Variants in SMURF1 observed in about 807,000 individuals in gnomAD.
SMURF1 encodes the protein SMAD specific E3 ubiquitin protein ligase 1, also known as E3 ubiquitin-protein ligase SMURF1.
Under a neutral mutation model 98.0 loss-of-function variants are expected in SMURF1, and 44 were observed. The observed-to-expected ratio is 0.45, with a 90% confidence interval of 0.35 to 0.58. The LOEUF (loss-of-function observed/expected upper bound fraction) is 0.58. SMURF1 is among the 20% of genes least tolerant of loss of function. The pLI, the probability that SMURF1 is intolerant of heterozygous loss-of-function variation, is 0.00. For synonymous variants in SMURF1, 396 were observed against 374.9 expected (o/e 1.06, Z -0.65); for missense variants, 687 against 938.4 (o/e 0.73, Z 3.50).
intron 1 of SMURF1, among the ~76,000 whole-genome samples, chr7:99,073,179 C>A (rs1796369350): frequency 6.6e-6 from 1 of 151,658 alleles, no homozygotes; most frequent in Non-Finnish European, 1.5e-5. Context: ...AGCTCGAGAC[C>A]AGCCTGGCCA....
At chr7:99,118,624 A>G (rs2150616963) in intron 1 of SMURF1, among the ~76,000 whole-genome samples, 4 of 152,324 alleles carry the variant, frequency 2.6e-5, no homozygotes, top group Middle Eastern at 6.8e-3. Context: ...TAGTAGTTGT[A>G]AAGCCTAGGG....
chr7:99,067,636 T>C (rs1318067973), intron 1 of SMURF1, among the ~76,000 whole-genome samples: 3 of 152,180 alleles, frequency 2.0e-5, no homozygotes, highest in Admixed American at 1.3e-4. Flanking sequence ...TTCTTTTACC[T>C]GGCAAAAGAT....
chr7:99,126,668 TA>T (rs1457649288), intron 1 of SMURF1, among the ~76,000 whole-genome samples: 1 of 152,100 alleles, frequency 6.6e-6, no homozygotes, highest in African/African-American at 2.4e-5. Flanking sequence ...AAAATAAATT[TA>T]AAAAAATTAA....
At chr7:99,105,332 T>C (rs570765825) in intron 1 of SMURF1, among the ~76,000 whole-genome samples, 9 of 152,164 alleles carry the variant, frequency 5.9e-5, no homozygotes, top group Non-Finnish European at 1.2e-4. Flanking sequence ...TGCAAAATTA[T>C]ATAGAATACA....
chr7:99,063,929 A>C (rs1031899979), intron 1 of SMURF1, among the ~76,000 whole-genome samples: 1 of 152,116 alleles, frequency 6.6e-6, no homozygotes, highest in African/African-American at 2.4e-5. Context: ...GGCACACGCC[A>C]CCCAGCACAC....
chr7:99,110,225 G>T (rs775333532), intron 1 of SMURF1, among the ~76,000 whole-genome samples: 3 of 151,980 alleles, frequency 2.0e-5, no homozygotes, highest in Non-Finnish European at 4.4e-5. Context: ...AAGCAACAGT[G>T]AAAAAAGATA....
At chr7:99,131,571 C>G (rs1797872769) in intron 1 of SMURF1, among the ~76,000 whole-genome samples, 1 of 152,098 alleles carries the variant, frequency 6.6e-6, no homozygotes, top group Non-Finnish European at 1.5e-5. Flanking sequence ...TAGTGAGACC[C>G]TGTCTCTACA....
At chr7:99,053,528 C>A (rs1795810791) in intron 6 of SMURF1, among the ~76,000 whole-genome samples, 1 of 152,208 alleles carries the variant, frequency 6.6e-6, no homozygotes, top group Non-Finnish European at 1.5e-5. Context: ...GTAGCTATGT[C>A]TCAAGTTTGT....
chr7:99,090,259 G>A (rs1045712745), intron 1 of SMURF1, among the ~76,000 whole-genome samples: 4 of 152,160 alleles, frequency 2.6e-5, no homozygotes, highest in South Asian at 2.1e-4. Flanking sequence ...AGAAGGGGCC[G>A]TTTTAAACAA....
At chr7:99,044,510 T>C (rs1795509490) in intron 11 of SMURF1, among the ~76,000 whole-genome samples, 1 of 152,212 alleles carries the variant, frequency 6.6e-6, no homozygotes, top group South Asian at 2.1e-4. Flanking sequence ...GAAGAGAATG[T>C]AAATCTTAAC....
chr7:99,068,546 T>C (rs951349445), intron 1 of SMURF1, among the ~76,000 whole-genome samples: 1 of 152,184 alleles, frequency 6.6e-6, no homozygotes, highest in Non-Finnish European at 1.5e-5. Context: ...GTGATCCTCC[T>C]GCCTCAGCCT....
At chr7:99,039,998 T>C (rs1795309823) in intron 13 of SMURF1, among the ~76,000 whole-genome samples, 1 of 151,906 alleles carries the variant, frequency 6.6e-6, no homozygotes, top group Admixed American at 6.6e-5. Flanking sequence ...GCCTGGGGAG[T>C]GGCCTGTTAA....
chr7:99,056,465 TC>T (rs1795877873), intron 5 of SMURF1, among the ~76,000 whole-genome samples: 1 of 152,152 alleles, frequency 6.6e-6, no homozygotes. Flanking sequence ...AATAATGCAG[TC>T]CCCTGACTGT....
intron 1 of SMURF1, among the ~76,000 whole-genome samples, chr7:99,105,217 C>G (rs953015181): frequency 1.3e-5 from 2 of 152,180 alleles, no homozygotes; most frequent in African/African-American, 4.8e-5. Flanking sequence ...AGCTACAATG[C>G]AAAGCGCAAA....
At position 99,061,877 on chromosome 7, in the gene SMURF1, C is replaced by T. The variant is rs201505593; in HGVS notation, c.56-40G>A. 598 of 1,471,272 alleles carry T rather than the reference C, an allele frequency of 4.1e-4. 1 individual carries two copies. Among genetic ancestry groups the T allele is most frequent in the Non-Finnish European group, 5.1e-4 (554 of 1,078,164 alleles). 91.1% of individuals were successfully genotyped at this position (1,471,272 alleles called of 1,614,324 possible). A position where few individuals can be genotyped will look rare whatever the true frequency, so the allele number is the denominator to read the frequency against. On this transcript the variant is annotated intron_variant, in intron 1 of 17. Transcript: ENST00000361368. ...AAATTACTCAGGTTAGCATTAAAGA[C>T]GAGATTTCCATAATAGCTAATCTAT...
intron 15 of SMURF1, 111 bp downstream of exon 15, chr7:99,036,956 T>C (rs1438391854): frequency 1.3e-6 from 2 of 1,539,276 alleles, no homozygotes; most frequent in East Asian, 4.5e-5. Context: ...CCCCAGCAGC[T>C]CCTAGGCTTA....
At chr7:99,035,361 A>T in intron 16 of SMURF1, 154 bp downstream of exon 16, 2 of 959,860 alleles carry the variant, frequency 2.1e-6, no homozygotes, top group South Asian at 1.7e-5. Context: ...CCAGGTAACC[A>T]CCTCTGTAGG....
chr7:99,058,252 C>A (rs890445652), intron 3 of SMURF1, among the ~76,000 whole-genome samples: 1 of 152,074 alleles, frequency 6.6e-6, no homozygotes, highest in Non-Finnish European at 1.5e-5. Context: ...GCCTCAGCCT[C>A]CCCAGCAGCT....
At chr7:99,042,328 G>C in intron 11 of SMURF1, 96 bp from the exon 12 acceptor site, 1 of 751,646 alleles carries the variant, frequency 1.3e-6, no homozygotes, top group Admixed American at 2.4e-5. Context: ...CGCCCAGGCT[G>C]GAGTGCAGTG....
Sources: allele counts gnomAD v4.1 joint callset (sites outside exome capture counted in the v4.1 genomes callset), GRCh38; gene constraint gnomAD v4.1.1; transcripts MANE v1.5; gene names NCBI Gene and HGNC (gene_info 2026-07-23, HGNC 2026-07-21).